The following TBC1D1 variants were observed in gnomAD, a reference collection of about 807,000 sequenced individuals.
The protein encoded by TBC1D1 is TBC1 domain family member 1, also known as TBC1 (tre-2/USP6, BUB2, cdc16) domain family, member 1.
In TBC1D1, 89 loss-of-function variants were observed where a neutral mutation model predicts 125.6. The observed-to-expected ratio is 0.71, with a 90% CI of 0.60 to 0.85. The LOEUF (loss-of-function observed/expected upper bound fraction) is 0.85, where lower values mean the gene tolerates loss of function less well. TBC1D1 is among the 40% of genes least tolerant of loss of function. The pLI is 0.00. For synonymous variants in TBC1D1, 565 were observed against 564.1 expected, an observed-to-expected ratio of 1.00 and a Z score of -0.02; for missense variants, 1,377 against 1,469.2, an observed-to-expected ratio of 0.94 and a Z score of 1.03.
intron 15 of TBC1D1, among the ~76,000 whole-genome samples, chr4:38,114,584 T>A (rs1762660395): frequency 6.6e-6 from 1 of 152,190 alleles, no homozygotes; most frequent in Admixed American, 6.5e-5. Context: ...GCTGCCTGGC[T>A]CCAGATGTTT....
At chr4:38,026,544 C>G (rs969036510) in intron 6 of TBC1D1, among the ~76,000 whole-genome samples, 6 of 152,248 alleles carry the variant, frequency 3.9e-5, no homozygotes, top group Non-Finnish European at 7.3e-5. Flanking sequence ...AGAGCCTTGG[C>G]CAAGCCTCTG....
chr4:38,007,307 C>T (rs907012547), intron 2 of TBC1D1, among the ~76,000 whole-genome samples: 8 of 151,894 alleles, frequency 5.3e-5, no homozygotes, highest in Non-Finnish European at 7.4e-5. Flanking sequence ...GGCTGGAGTG[C>T]GGTGGTGAGA....
intron 1 of TBC1D1, among the ~76,000 whole-genome samples, chr4:37,900,480 T>C (rs181202827): frequency 2.0e-4 from 30 of 152,200 alleles, no homozygotes; most frequent in Admixed American, 1.6e-3. Context: ...TCAGTTATTC[T>C]TTTAAAATAC....
intron 4 of TBC1D1, 51 bp from the exon 5 acceptor site, chr4:38,020,540 A>G: frequency 7.0e-7 from 1 of 1,430,212 alleles, no homozygotes; most frequent in South Asian, 1.1e-5. Flanking sequence ...ATTTCTGAGG[A>G]TGGTGCGTCT....
At chr4:37,902,814 C>T (rs1716371268) in intron 2 of TBC1D1, among the ~76,000 whole-genome samples, 1 of 152,178 alleles carries the variant, frequency 6.6e-6, no homozygotes, top group African/African-American at 2.4e-5. Context: ...GTTCTAAAGC[C>T]ATGCCTCTCA....
At position 38,021,668 on chromosome 4, in the gene TBC1D1, G is replaced by A. The variant is rs756274115; in HGVS notation, c.1160G>A (p.Cys387Tyr). The A allele has an allele frequency of 1.3e-6, 2 of 1,598,496 alleles. No homozygotes were observed. Among genetic ancestry groups the A allele is most frequent in the South Asian group, 1.1e-5 (1 of 88,454 alleles). Reference sequence around the variant, plus strand: ...ACAGCTAAGGCGCCAGCCCAGCTGTGTGAGGGCTGCCCCCTGCAAAGCCTG... The same window carrying A: ...ACAGCTAAGGCGCCAGCCCAGCTGTATGAGGGCTGCCCCCTGCAAAGCCTG... Residue 387 changes from cysteine to tyrosine, a missense_variant, in exon 6 of 20, where the codon TGT becomes TAT. Transcript: ENST00000261439.
chr4:38,017,324 C>G lies in TBC1D1; in HGVS notation c.883-1030C>G, dbSNP rs577750289. On this transcript the variant is annotated intron_variant, in intron 3 of 19. Transcript: ENST00000261439. ...TGTTGGCTCCTACTCTAGAGAGAGACACAGTCTAGTTTAGAAAGATGTTGC... is the reference window on the plus strand; with the variant it reads ...TGTTGGCTCCTACTCTAGAGAGAGAGACAGTCTAGTTTAGAAAGATGTTGC... 1.2e-3 allele frequency among the ~76,000 whole-genome samples: 188 copies of G among 152,308 alleles called. 1 individual carries two copies. The highest frequency in any genetic ancestry group is 4.1e-3 in the African/African-American group (171 of 41,572).
intron 2 of TBC1D1, among the ~76,000 whole-genome samples, chr4:37,915,279 G>C (rs1719485216): frequency 6.6e-6 from 1 of 152,284 alleles, no homozygotes; most frequent in African/African-American, 2.4e-5. Flanking sequence ...GAACCAATAG[G>C]ATACACATCA....
chr4:37,898,075 C>T (rs997832126), intron 1 of TBC1D1, among the ~76,000 whole-genome samples: 1 of 152,036 alleles, frequency 6.6e-6, no homozygotes, highest in Non-Finnish European at 1.5e-5. Context: ...TAAAAATTTG[C>T]TCTTAGCATT....
chr4:37,933,220 C>CAT (rs1299689550), intron 2 of TBC1D1, among the ~76,000 whole-genome samples: 2 of 152,062 alleles, frequency 1.3e-5, no homozygotes, highest in African/African-American at 4.8e-5. Flanking sequence ...CACAAACACA[C>CAT]ATATATATAC....
chr4:38,136,631 T>C (rs895981987), intron 19 of TBC1D1, among the ~76,000 whole-genome samples: 3 of 152,304 alleles, frequency 2.0e-5, no homozygotes, highest in Non-Finnish European at 4.4e-5. Context: ...AGGAGGAAAC[T>C]GTTTTGAGTT....
At chr4:37,986,037 C>A (rs1331094523) in intron 2 of TBC1D1, among the ~76,000 whole-genome samples, 1 of 152,168 alleles carries the variant, frequency 6.6e-6, no homozygotes, top group East Asian at 1.9e-4. Flanking sequence ...TGATTTTTAA[C>A]CTTGGGGAAG....
At chr4:37,992,596 G>A (rs1388296193) in intron 2 of TBC1D1, among the ~76,000 whole-genome samples, 3 of 148,034 alleles carry the variant, frequency 2.0e-5, no homozygotes, top group Non-Finnish European at 3.0e-5. Context: ...CCGGGTTCAC[G>A]CCATTCTCCT....
At chr4:38,008,714 A>G (rs1235512686) in intron 2 of TBC1D1, among the ~76,000 whole-genome samples, 1 of 152,234 alleles carries the variant, frequency 6.6e-6, no homozygotes, top group Non-Finnish European at 1.5e-5. Context: ...CCTGTTGTCT[A>G]ATTGTAAGCA....
At chr4:37,891,723 A>G (rs1350156450) in intron 1 of TBC1D1, among the ~76,000 whole-genome samples, 1 of 128,460 alleles carries the variant, frequency 7.8e-6, no homozygotes, top group African/African-American at 3.0e-5. Flanking sequence ...GGTCAGAGTG[A>G]CCCCAAGCCA....
At chr4:37,944,008 G>A (rs1726122558) in intron 2 of TBC1D1, among the ~76,000 whole-genome samples, 1 of 152,188 alleles carries the variant, frequency 6.6e-6, no homozygotes, top group East Asian at 1.9e-4. Context: ...TATAGATGGG[G>A]TTTTGGTGTG....
At chr4:37,939,858 C>T (rs944641082) in intron 2 of TBC1D1, among the ~76,000 whole-genome samples, 1 of 152,136 alleles carries the variant, frequency 6.6e-6, no homozygotes, top group African/African-American at 2.4e-5. Context: ...TTTCTGAGGG[C>T]TCTGTTCTGT....
Position 38,021,664 on chromosome 4 carries a change from CTG to C in TBC1D1, c.1161_1162del (p.Cys387Ter). 6.3e-7 allele frequency: 1 copy of C among 1,598,536 alleles called. No homozygotes were observed. Among genetic ancestry groups the C allele is most frequent in the South Asian group, 1.1e-5 (1 of 88,474 alleles). The stretch of plus-strand genomic sequence containing the variant: ...GCAGACAGCTAAGGCGCCAGCCCAG[CTG>C]TGTGAGGGCTGCCCCCTGCAAAGCC... On this transcript the variant is annotated frameshift_variant, in exon 6 of 20. Transcript: ENST00000261439. LOFTEE classifies it high-confidence loss of function.
At chr4:38,072,996 T>C (rs1754966023) in intron 12 of TBC1D1, among the ~76,000 whole-genome samples, 1 of 152,230 alleles carries the variant, frequency 6.6e-6, no homozygotes. Flanking sequence ...GTTGTATGTA[T>C]ATTTAACATT....
Sources: allele counts gnomAD v4.1 joint callset (sites outside exome capture counted in the v4.1 genomes callset), GRCh38; gene constraint gnomAD v4.1.1; transcripts MANE v1.5; gene names NCBI Gene and HGNC (gene_info 2026-07-23, HGNC 2026-07-21).